IGF2R: variants seen among roughly 807,000 people sequenced by gnomAD.
IGF2R encodes cation-independent mannose-6-phosphate receptor.
In IGF2R, 91 loss-of-function variants were observed where a neutral mutation model predicts 270.6. The observed-to-expected ratio is 0.34, with a 90% CI of 0.28 to 0.40. The LOEUF is 0.40. Among genes scored for constraint, IGF2R ranks in the 10% least tolerant of loss-of-function variants. IGF2R has a pLI of 1.00. For missense variants in IGF2R, 2,805 were observed against 3,188.3 expected, an observed-to-expected ratio of 0.88 and a Z score of 2.90; for synonymous variants, 1,316 against 1,258.9, an observed-to-expected ratio of 1.05 and a Z score of -0.96.
chr6:160,006,538 A>G (rs1043441380), intron 2 of IGF2R: 3 of 152,308 alleles, frequency 2.0e-5, no homozygotes, highest in Non-Finnish European at 2.9e-5. Flanking sequence ...CGACTGGGCA[A>G]AAGTTTTAGA....
chr6:159,991,261 A>C lies in IGF2R; in HGVS notation c.227A>C (p.Gln76Pro). The stretch of plus-strand genomic sequence containing the variant: ...ATCTGTGGAAGTGTGGATATTGTCC[A>C]GTGCGGGCCATCAAGTGCTGTTTGT... The part of the protein sequence containing the change: ...INICGSVDIV[Q>P]CGPSSAVCMH... The change falls in exon 2 of 48, where the codon CAG becomes CCG. Residue 76 changes from glutamine (Q) to proline (P), a missense_variant. By Grantham distance (76) the Gln-to-Pro change is moderately conservative. Around this residue, in one of 2 missense-constraint regions of IGF2R, gnomAD observed 954 missense variants for 981.1 expected, o/e 0.97. Coordinates refer to ENST00000356956, the MANE Select transcript of IGF2R (RefSeq NM_000876.4). The C allele has an allele frequency of 6.2e-7, 1 of 1,614,072 alleles. No individual in the cohort carries two copies. The highest frequency in any genetic ancestry group is 8.5e-7 in the Non-Finnish European group (1 of 1,179,942).
At position 160,050,733 on chromosome 6, in the gene IGF2R, C is replaced by T; in HGVS notation, c.2694+81C>T. ...TGCCTTATGTGTCTCTTAACAGCAGCAGTCTTGGGGTGGGTGGCGGAGCTA... is the reference window on the plus strand; with the variant it reads ...TGCCTTATGTGTCTCTTAACAGCAGTAGTCTTGGGGTGGGTGGCGGAGCTA... On this transcript the variant is annotated intron_variant, in intron 19 of 47. Transcript: ENST00000356956. This position sits in a 1 kb window ranked among gnomAD's most constrained non-coding sequence, Gnocchi z 4.0. The T allele has an allele frequency of 1.5e-6, 2 of 1,324,528 alleles. No homozygotes were observed. Among genetic ancestry groups the T allele is most frequent in the Non-Finnish European group, 2.1e-6 (2 of 968,066 alleles). The allele number at this position is 1,324,528 out of a possible 1,614,324, so 82.0% of individuals were successfully genotyped here.
chr6:160,101,203 C>T (rs1779478235), intron 45 of IGF2R, among the ~76,000 whole-genome samples: 1 of 152,212 alleles, frequency 6.6e-6, no homozygotes, highest in South Asian at 2.1e-4. Flanking sequence ...CTAAAACTCA[C>T]TTCTGAATAA....
In IGF2R at chr6:160,087,025, G is replaced by A. The variant is rs111353822; in HGVS notation, c.6206-1008G>A. 2.7e-3 allele frequency among the ~76,000 whole-genome samples: 410 copies of A among 152,266 alleles called. 3 individuals are homozygous for A. Among genetic ancestry groups the A allele is most frequent in the African/African-American group, 9.6e-3 (401 of 41,568 alleles). On this transcript the variant is annotated intron_variant, in intron 41 of 47. Transcript: ENST00000356956. Reference sequence around the variant, plus strand: ...CAGCCACAAGCAGCCTCTTGGTGGTGGCTTGAGAGTTGGAACCTGGCGGCC... The same window carrying A: ...CAGCCACAAGCAGCCTCTTGGTGGTAGCTTGAGAGTTGGAACCTGGCGGCC...
intron 5 of IGF2R, among the ~76,000 whole-genome samples, chr6:160,026,311 C>T (rs967059517): frequency 6.6e-6 from 1 of 152,270 alleles, no homozygotes; most frequent in Middle Eastern, 3.4e-3. Context: ...GTTTGCTTAC[C>T]TCTTCACTAG....
In IGF2R at chr6:160,084,034, G is replaced by A. The variant is rs375077970; in HGVS notation, c.5918G>A (p.Arg1973His). Residue 1973 changes from arginine to histidine, a missense_variant, in exon 40 of 48, where the codon CGT (arginine) becomes CAT (histidine). This residue lies in a region of IGF2R where 1,851 missense variants were observed against 2,207.2 expected (regional missense o/e 0.84). Coordinates refer to ENST00000356956, the MANE Select transcript of IGF2R (RefSeq NM_000876.4). The surrounding 1 kb of genome is among the most constrained non-coding windows in gnomAD (Gnocchi z 4.6). The stretch of plus-strand genomic sequence containing the variant: ...AGGCCACAAGTCTTCAGTGAAGTGC[G>A]TGGGTGTGATGTGACATTTGAGTGG... ...IGRPQVFSEV[R>H]GCDVTFEWKT... is the part of the protein sequence containing the mutation. 3.6e-5 allele frequency: 58 copies of A among 1,614,000 alleles called. No homozygotes were observed. The highest frequency in any genetic ancestry group is 8.9e-5 in the East Asian group (4 of 44,894).
At position 160,108,580 on chromosome 6, in the gene IGF2R, C is replaced by T. The variant is rs994276432; in HGVS notation, c.*3496C>T. The T allele has an allele frequency of 6.6e-6, 1 of 152,272 alleles. No homozygotes were observed. The highest frequency in any genetic ancestry group is 1.5e-5 in the Non-Finnish European group (1 of 68,064). 9.4% of individuals were successfully genotyped at this position (152,272 alleles called of 1,614,324 possible). The stretch of plus-strand genomic sequence containing the variant: ...CCTCAGACTGCCTGCGAGGCTCTCT[C>T]TGGGAGGAAGTCAGGTCTTTCTTTC... On this transcript the variant is annotated 3_prime_UTR_variant, in exon 48 of 48. Transcript: ENST00000356956.
At chr6:160,085,770 A>G (rs1779085899) in intron 41 of IGF2R, among the ~76,000 whole-genome samples, 1 of 152,182 alleles carries the variant, frequency 6.6e-6, no homozygotes, top group Non-Finnish European at 1.5e-5. Flanking sequence ...TTAGCTTGAG[A>G]TGTTGAGATG....
chr6:160,012,641 C>T (rs926229441), intron 4 of IGF2R, among the ~76,000 whole-genome samples: 2 of 151,520 alleles, frequency 1.3e-5, no homozygotes, highest in African/African-American at 4.9e-5. Flanking sequence ...GTCACCTCCC[C>T]AGGCCCCGCC....
intron 12 of IGF2R, 82 bp from the exon 13 acceptor site, chr6:160,044,432 C>T (rs1017523772): frequency 4.5e-5 from 47 of 1,048,560 alleles, no homozygotes; most frequent in Middle Eastern, 3.2e-4. Context: ...CTCTTTCTTT[C>T]TTTTTTTTTT....
chr6:160,042,808 A>G (rs1583275757), intron 11 of IGF2R, among the ~76,000 whole-genome samples: 1 of 152,124 alleles, frequency 6.6e-6, no homozygotes, highest in African/African-American at 2.4e-5. Flanking sequence ...GCGTCCCAAG[A>G]CACAGGCTGG....
Position 160,040,494 on chromosome 6 carries a change from G to T in IGF2R, c.1316-66G>T, listed in dbSNP as rs17847617. ...ATTGGTCCTGTTCAGTTTCTTCCTT[G>T]CTCCTTAGCTGTTCCTCAATTTTGG... On this transcript the variant is annotated intron_variant, in intron 10 of 47. Coordinates refer to ENST00000356956, the MANE Select transcript of IGF2R (RefSeq NM_000876.4). 4.1e-4 allele frequency: 581 copies of T among 1,401,338 alleles called. 6 individuals are homozygous for T. In the East Asian group the frequency reaches 0.011, roughly 27 times the overall value. The allele number at this position is 1,401,338 out of a possible 1,614,324, so 86.8% of individuals were successfully genotyped here.
intron 19 of IGF2R, 43 bp from the exon 20 acceptor site, chr6:160,056,381 C>G: frequency 1.5e-6 from 2 of 1,309,116 alleles, no homozygotes; most frequent in Non-Finnish European, 2.2e-6. Flanking sequence ...CTATCAAGTT[C>G]CATGTTACTG....
intron 2 of IGF2R, among the ~76,000 whole-genome samples, chr6:159,999,502 G>C (rs1784098276): frequency 6.6e-6 from 1 of 152,194 alleles, no homozygotes; most frequent in Admixed American, 6.5e-5. Flanking sequence ...GGTCACATCA[G>C]ACAGATTGGA....
intron 12 of IGF2R, among the ~76,000 whole-genome samples, chr6:160,044,172 C>A (rs567060625): frequency 6.6e-6 from 1 of 152,212 alleles, no homozygotes; most frequent in Non-Finnish European, 1.5e-5. Context: ...CAGTAGGGGA[C>A]AATGTCAGTT....
intron 47 of IGF2R, among the ~76,000 whole-genome samples, chr6:160,104,339 C>G (rs191792171): frequency 1.3e-5 from 2 of 152,030 alleles, no homozygotes; most frequent in Non-Finnish European, 2.9e-5. Context: ...CCTTCTCCCC[C>G]AGCTGCGCTG....
At chr6:160,019,969 G>A (rs569193069) in intron 4 of IGF2R, among the ~76,000 whole-genome samples, 5 of 152,094 alleles carry the variant, frequency 3.3e-5, no homozygotes, top group African/African-American at 1.2e-4. Context: ...GGGGCAGTCA[G>A]GCAAGAGAAA....
At chr6:159,979,036 T>A (rs1327320249) in intron 1 of IGF2R, among the ~76,000 whole-genome samples, 1 of 152,070 alleles carries the variant, frequency 6.6e-6, no homozygotes, top group Non-Finnish European at 1.5e-5. Context: ...AAAACTGGCC[T>A]TTGCAGTTGA....
chr6:160,085,316 A>G (rs1779077426), intron 41 of IGF2R, among the ~76,000 whole-genome samples, 185 bp downstream of exon 41: 1 of 152,076 alleles, frequency 6.6e-6, no homozygotes, highest in Admixed American at 6.5e-5. Flanking sequence ...GCTGCTTTGT[A>G]TTATATGAGA....
Sources: allele counts gnomAD v4.1 joint callset (sites outside exome capture counted in the v4.1 genomes callset), GRCh38; gene constraint gnomAD v4.1.1; regional missense constraint gnomAD v4.1.1; non-coding constraint Gnocchi (gnomAD v3.1); transcripts MANE v1.5; gene names NCBI Gene and HGNC (gene_info 2026-07-23, HGNC 2026-07-21).